SLCO1A2: variants seen among roughly 807,000 people sequenced by gnomAD.
The protein encoded by SLCO1A2 is solute carrier organic anion transporter family member 1A2, also known as OATP-1.
In SLCO1A2, 67 loss-of-function variants were observed where a neutral mutation model predicts 69.0. The ratio of observed to expected loss-of-function variants is 0.97; its 90% CI spans 0.80 to 1.19. SLCO1A2 has a LOEUF of 1.19. SLCO1A2 is among the 50% of genes most tolerant of loss of function. The pLI, the probability that SLCO1A2 is intolerant of heterozygous loss-of-function variation, is 0.00. For synonymous variants in SLCO1A2, 260 were observed against 265.9 expected (o/e 0.98, Z 0.22); for missense variants, 787 against 793.7 (o/e 0.99, Z 0.10).
intron 1 of SLCO1A2, among the ~76,000 whole-genome samples, chr12:21,377,622 T>C (rs964526858): frequency 6.6e-6 from 1 of 152,198 alleles, no homozygotes; most frequent in Non-Finnish European, 1.5e-5. Flanking sequence ...TGAATTTGAC[T>C]ATTTTAAATA....
At chr12:21,272,342 A>T (rs1176440632) in intron 14 of SLCO1A2, among the ~76,000 whole-genome samples, 1 of 151,618 alleles carries the variant, frequency 6.6e-6, no homozygotes, top group African/African-American at 2.4e-5. Flanking sequence ...ATTATCACTC[A>T]TTTTTGTCTG....
chr12:21,388,395 G>T (rs188458322), intron 1 of SLCO1A2, among the ~76,000 whole-genome samples: 1 of 152,238 alleles, frequency 6.6e-6, no homozygotes, highest in African/African-American at 2.4e-5. Flanking sequence ...GGAGGTAATT[G>T]AATCATGGGG....
intron 2 of SLCO1A2, among the ~76,000 whole-genome samples, chr12:21,325,283 T>C (rs553657874): frequency 6.6e-6 from 1 of 152,176 alleles, no homozygotes; most frequent in African/African-American, 2.4e-5. Flanking sequence ...CCCAATCAGA[T>C]ACAATACCAA....
At chr12:21,334,956 T>C, upstream of SLCO1A2, 1 of 224,484 alleles carries the variant, frequency 4.5e-6, no homozygotes, top group Non-Finnish European at 8.6e-6. Flanking sequence ...TAGAATTGTT[T>C]GTTATGATCT....
At chr12:21,411,865 T>G (rs936333645) in intron 1 of SLCO1A2, among the ~76,000 whole-genome samples, 11 of 151,914 alleles carry the variant, frequency 7.2e-5, no homozygotes, top group Non-Finnish European at 1.5e-4. Context: ...TTGCATTTTT[T>G]TGTAGAGACG....
chr12:21,275,569 T>A (rs1943669930), intron 12 of SLCO1A2, 145 bp from the exon 13 acceptor site: 1 of 832,238 alleles, frequency 1.2e-6, no homozygotes, highest in Admixed American at 3.9e-5. Context: ...TATTCAGGGC[T>A]TTATTATCCA....
chr12:21,340,557 C>T (rs1953033573), intron 2 of SLCO1A2, among the ~76,000 whole-genome samples: 1 of 152,010 alleles, frequency 6.6e-6, no homozygotes, highest in African/African-American at 2.4e-5. Flanking sequence ...CACGCCTTTC[C>T]TCTCCATACC....
chr12:21,380,944 T>C (rs901025680), intron 1 of SLCO1A2, among the ~76,000 whole-genome samples: 2 of 150,818 alleles, frequency 1.3e-5, no homozygotes, highest in Non-Finnish European at 3.0e-5. Flanking sequence ...AGGTGATTGT[T>C]AAATTGTCTC....
At chr12:21,282,976 A>C (rs1396643993) in intron 12 of SLCO1A2, among the ~76,000 whole-genome samples, 2 of 152,146 alleles carry the variant, frequency 1.3e-5, no homozygotes, top group Non-Finnish European at 2.9e-5. Context: ...GAAAGAAACA[A>C]TATTGCTAAA....
intron 1 of SLCO1A2, among the ~76,000 whole-genome samples, chr12:21,408,724 G>C (rs1228405489): frequency 1.0e-5 from 1 of 98,270 alleles, no homozygotes; most frequent in Non-Finnish European, 2.2e-5. Flanking sequence ...GTGTGTGTGT[G>C]TGTGTGTGTG....
chr12:21,298,536 C>T (rs180707344), intron 8 of SLCO1A2, among the ~76,000 whole-genome samples: 292 of 152,198 alleles, frequency 1.9e-3, no homozygotes, highest in African/African-American at 6.6e-3. Flanking sequence ...AATAAATAAA[C>T]AATTTAGAAG....
chr12:21,297,002 A>T (rs555956274), intron 9 of SLCO1A2, among the ~76,000 whole-genome samples: 1 of 152,270 alleles, frequency 6.6e-6, no homozygotes, highest in Non-Finnish European at 1.5e-5. Flanking sequence ...GGACCAAAAA[A>T]TTAAATTAGG....
chr12:21,326,396 G>A (rs1322810397), intron 2 of SLCO1A2, among the ~76,000 whole-genome samples: 1 of 152,196 alleles, frequency 6.6e-6, no homozygotes, highest in East Asian at 1.9e-4. Flanking sequence ...GCAGAGGTTA[G>A]AACAGTGTGG....
intron 2 of SLCO1A2, 53 bp downstream of exon 2, chr12:21,334,535 T>C: frequency 7.5e-7 from 1 of 1,340,538 alleles, no homozygotes; most frequent in Non-Finnish European, 1.1e-6. Context: ...AGGACTGTCG[T>C]ATTTTAAAAA....
At chr12:21,360,307 T>G (rs936658572) in intron 2 of SLCO1A2, among the ~76,000 whole-genome samples, 24 of 152,234 alleles carry the variant, frequency 1.6e-4, no homozygotes. Context: ...GTGCAGTTTA[T>G]TGAATTTTGA....
intron 1 of SLCO1A2, among the ~76,000 whole-genome samples, chr12:21,393,731 A>T: frequency 6.6e-6 from 1 of 152,334 alleles, no homozygotes; most frequent in East Asian, 1.9e-4. Flanking sequence ...TGTAAGGTAT[A>T]TATCTCAGAA....
intron 2 of SLCO1A2, among the ~76,000 whole-genome samples, chr12:21,357,852 T>A (rs2137034412): frequency 6.6e-6 from 1 of 152,310 alleles, no homozygotes; most frequent in African/African-American, 2.4e-5. Context: ...AGAAAACACA[T>A]GTTCTTGCTT....
intron 11 of SLCO1A2, among the ~76,000 whole-genome samples, chr12:21,292,652 G>C (rs1456056892): frequency 6.6e-6 from 1 of 152,054 alleles, no homozygotes; most frequent in East Asian, 1.9e-4. Context: ...CTGGAGTGCA[G>C]TGGTGCGATC....
At chr12:21,293,177 C>A (rs192795752) in intron 11 of SLCO1A2, among the ~76,000 whole-genome samples, 20 of 152,170 alleles carry the variant, frequency 1.3e-4, no homozygotes, top group Middle Eastern at 6.8e-3. Flanking sequence ...GTGGCATGTG[C>A]CTGTCATCCT....
Sources: gnomAD v4.1 joint callset for allele counts (sites outside exome capture counted in the v4.1 genomes callset) on GRCh38, gnomAD v4.1.1 for gene constraint, MANE v1.5 for transcripts, NCBI Gene and HGNC (gene_info 2026-07-23, HGNC 2026-07-21) for gene names.